Variants in PUDP observed in about 807,000 individuals in gnomAD.
The protein encoded by PUDP is pseudouridine 5'-phosphatase, also known as pseudouridine-5'-phosphatase.
Under a neutral mutation model 9.4 loss-of-function variants are expected in PUDP, and 8 were observed. That is an observed-to-expected ratio of 0.85 (90% confidence interval 0.50 to 1.53). PUDP has a LOEUF of 1.53. Ranked by LOEUF, PUDP falls within the 40% of genes most tolerant of loss-of-function variation. PUDP has a pLI of 0.00. For synonymous variants in PUDP, 99 were observed against 80.7 expected (o/e 1.23, Z -1.22); for missense variants, 188 against 189.7 (o/e 0.99, Z 0.05).
intron 3 of PUDP, among the ~76,000 whole-genome samples, chrX:6,870,346 T>G (rs747461203): frequency 2.7e-4 from 30 of 112,027 alleles, no homozygotes; most frequent in African/African-American, 9.1e-4. Context: ...GTGAGGGAAC[T>G]GGTGGAAGGT....
In PUDP at chrX:6,958,123, G is replaced by A. The variant is rs768394221; in HGVS notation, c.*247+19010C>T. Among the ~76,000 whole-genome samples the A allele has an allele frequency of 3.8e-4, 43 of 112,251 alleles. 1 individual carries two copies. The highest frequency in any genetic ancestry group is 2.6e-3 in the South Asian group (7 of 2,693). ...GAGATAGGGTCATTTATAACCTTAC[G>A]CGTCCACCCTACTGCTGTGTCCGGT... On this transcript the variant is annotated intron_variant and NMD_transcript_variant, in intron 3 of 3. Transcript: ENST00000655425.
chrX:6,719,050 T>A (rs1206797880), intron 1 of PUDP, among the ~76,000 whole-genome samples: 1 of 111,214 alleles, frequency 9.0e-6, no homozygotes, highest in Non-Finnish European at 1.9e-5. Flanking sequence ...TTGGAGCCTG[T>A]GAGACCTTGA....
intron 3 of PUDP, among the ~76,000 whole-genome samples, chrX:6,839,256 CTG>C (rs1926629900): frequency 9.0e-6 from 1 of 111,628 alleles, no homozygotes; most frequent in Non-Finnish European, 1.9e-5. Flanking sequence ...GCCTAGGACT[CTG>C]TAATATCTCC....
intron 3 of PUDP, among the ~76,000 whole-genome samples, chrX:6,765,494 T>A (rs1352993458): frequency 8.9e-6 from 1 of 112,144 alleles, no homozygotes; most frequent in Non-Finnish European, 1.9e-5. Context: ...AATATTTTAA[T>A]TATGTCCATT....
intron 3 of PUDP, among the ~76,000 whole-genome samples, chrX:6,787,334 C>T (rs1925664422): frequency 8.9e-6 from 1 of 112,211 alleles, no homozygotes; most frequent in Non-Finnish European, 1.9e-5. Context: ...GAAGCTGAAA[C>T]ATCTGTGTCT....
intron 3 of PUDP, among the ~76,000 whole-genome samples, chrX:6,880,051 A>C (rs1038101343): frequency 1.8e-5 from 2 of 111,433 alleles, no homozygotes; most frequent in Non-Finnish European, 3.8e-5. Context: ...GTCCTGCATC[A>C]GTGGAAACAG....
chrX:7,086,158 T>C (rs112942683), intron 2 of PUDP, among the ~76,000 whole-genome samples: 179 of 111,894 alleles, frequency 1.6e-3, no homozygotes, highest in Non-Finnish European at 3.0e-3. Flanking sequence ...TCTGGGATAA[T>C]TGATGTTGAG....
chrX:6,913,394 A>G (rs1927877270), intron 3 of PUDP, among the ~76,000 whole-genome samples: 1 of 112,107 alleles, frequency 8.9e-6, no homozygotes, highest in Non-Finnish European at 1.9e-5. Flanking sequence ...AAATATTCAT[A>G]AAGAAAACAT....
intron 3 of PUDP, among the ~76,000 whole-genome samples, chrX:6,781,025 ACT>A: frequency 9.0e-6 from 1 of 111,071 alleles, no homozygotes; most frequent in East Asian, 2.8e-4. Context: ...ACAGAGCGAG[ACT>A]CTGTCTCCAA....
chrX:6,816,517 T>C (rs1926238643), intron 3 of PUDP, among the ~76,000 whole-genome samples: 1 of 102,606 alleles, frequency 9.7e-6, no homozygotes, highest in Non-Finnish European at 2.0e-5. Context: ...TATACTATAC[T>C]ATAGTATATA....
chrX:6,962,662 G>GT (rs1706803696), intron 3 of PUDP, among the ~76,000 whole-genome samples: 1 of 112,074 alleles, frequency 8.9e-6, no homozygotes, highest in African/African-American at 3.2e-5. Flanking sequence ...TTTACTTTTT[G>GT]TTTTTTGAGT....
intron 3 of PUDP, among the ~76,000 whole-genome samples, chrX:6,894,263 T>C (rs1927556141): frequency 9.0e-6 from 1 of 110,898 alleles, no homozygotes; most frequent in Non-Finnish European, 1.9e-5. Context: ...AAAATAAAAG[T>C]TGAAGGAAAA....
In PUDP at chrX:6,883,801, A is replaced by G. The variant is rs150583406; in HGVS notation, c.*247+93332T>C. ...AATAGAGGTAGTATTCATAGGTATT[A>G]GTAAATCAATTCTGTCCACATTTTT... On this transcript the variant is annotated intron_variant and NMD_transcript_variant, in intron 3 of 3. Transcript: ENST00000655425. Among the ~76,000 whole-genome samples the G allele has an allele frequency of 6.3e-3, 710 of 111,977 alleles. 1 individual carries two copies. Among genetic ancestry groups the G allele is most frequent in the Non-Finnish European group, 0.01 (552 of 53,192 alleles).
intron 3 of PUDP, among the ~76,000 whole-genome samples, chrX:6,815,895 T>C (rs1269996680): frequency 1.8e-5 from 2 of 109,045 alleles, no homozygotes; most frequent in South Asian, 7.8e-4. Flanking sequence ...ACAGAGCAAA[T>C]CTAAACCTTC....
intron 3 of PUDP, among the ~76,000 whole-genome samples, chrX:6,876,669 GTGTT>G (rs1322750064): frequency 3.8e-5 from 4 of 105,978 alleles, no homozygotes; most frequent in African/African-American, 1.1e-4. Flanking sequence ...GTGTGTGTGT[GTGTT>G]TGTGTACACA....
chrX:6,840,505 C>T (rs892538566), intron 3 of PUDP, among the ~76,000 whole-genome samples: 1 of 112,283 alleles, frequency 8.9e-6, no homozygotes, highest in Non-Finnish European at 1.9e-5. Flanking sequence ...GAGAAGGCTA[C>T]ATACTATATG....
intron 3 of PUDP, among the ~76,000 whole-genome samples, chrX:6,890,935 CAAAAAAAAA>C (rs764486249): frequency 1.7e-3 from 56 of 33,128 alleles, no homozygotes; most frequent in African/African-American, 6.5e-3. Context: ...CTCATCTCTC[CAAAAAAAAA>C]AAAAAAAAAA....
intron 3 of PUDP, among the ~76,000 whole-genome samples, chrX:6,847,699 A>G: frequency 8.9e-6 from 1 of 112,553 alleles, no homozygotes; most frequent in African/African-American, 3.2e-5. Flanking sequence ...CTATTGCTGT[A>G]TAACAAATGG....
chrX:7,025,197 T>C (rs1929692677), intron 1 of PUDP, among the ~76,000 whole-genome samples: 1 of 111,786 alleles, frequency 8.9e-6, no homozygotes, highest in Non-Finnish European at 1.9e-5. Context: ...AACTGAGAGC[T>C]GTGGCCAGCC....
Sources: gnomAD v4.1 joint callset for allele counts (sites outside exome capture counted in the v4.1 genomes callset) on GRCh38, gnomAD v4.1.1 for gene constraint, MANE v1.5 for transcripts, NCBI Gene and HGNC (gene_info 2026-07-23, HGNC 2026-07-21) for gene names.